The following MGAT4C variants were observed in gnomAD, a reference collection of about 807,000 sequenced individuals.
MGAT4C encodes alpha-1,3-mannosyl-glycoprotein 4-beta-N-acetylglucosaminyltransferase C.
Under a neutral mutation model 40.1 loss-of-function variants are expected in MGAT4C, and 19 were observed. That is an observed-to-expected ratio of 0.47 (90% CI 0.33 to 0.70). MGAT4C has a LOEUF of 0.70. Ranked by LOEUF, MGAT4C falls within the 30% of genes least tolerant of loss-of-function variation. MGAT4C has a pLI of 0.02. For missense variants in MGAT4C, 491 were observed against 563.2 expected, an observed-to-expected ratio of 0.87 and a Z score of 1.30; for synonymous variants, 181 against 187.1, an observed-to-expected ratio of 0.97 and a Z score of 0.27.
intron 3 of MGAT4C, among the ~76,000 whole-genome samples, chr12:86,344,738 GTGTGTGTGTGTGTGTGTA>G (rs1317915450): frequency 3.1e-3 from 464 of 147,682 alleles, no homozygotes; most frequent in African/African-American, 0.011. Flanking sequence ...GTGTGTGTGT[GTGTGTGTGTGTGTGTGTA>G]TGTGTGTGTG....
At chr12:86,769,597 A>G (rs1199171750) in intron 1 of MGAT4C, among the ~76,000 whole-genome samples, 1 of 152,200 alleles carries the variant, frequency 6.6e-6, no homozygotes, top group African/African-American at 2.4e-5. Context: ...TCACAATAGC[A>G]AAGACTTGGA....
At chr12:85,986,317 A>G (rs1885197590) in intron 3 of MGAT4C, among the ~76,000 whole-genome samples, 1 of 152,168 alleles carries the variant, frequency 6.6e-6, no homozygotes, top group Non-Finnish European at 1.5e-5. Context: ...ATGGGAATGC[A>G]ATTCAATGAA....
At chr12:86,774,345 C>CTTTTCTTTCTT (rs1951708548) in intron 1 of MGAT4C, among the ~76,000 whole-genome samples, 2 of 14,910 alleles carry the variant, frequency 1.3e-4, no homozygotes, top group African/African-American at 5.4e-4. Context: ...CTTTCTGTCT[C>CTTTTCTTTCTT]TCTCTCTCCC....
intron 4 of MGAT4C, among the ~76,000 whole-genome samples, chr12:86,317,631 A>G (rs1954275542): frequency 6.6e-6 from 1 of 151,792 alleles, no homozygotes; most frequent in African/African-American, 2.4e-5. Context: ...AACAAAGCAA[A>G]CCTCTACTCT....
At chr12:86,716,380 C>T (rs752069658) in intron 2 of MGAT4C, among the ~76,000 whole-genome samples, 1 of 152,024 alleles carries the variant, frequency 6.6e-6, no homozygotes, top group Admixed American at 6.6e-5. Context: ...CTAATATTAT[C>T]TTTTTTTATT....
chr12:86,572,077 A>C (rs531703209), intron 2 of MGAT4C, among the ~76,000 whole-genome samples: 54 of 152,262 alleles, frequency 3.5e-4, no homozygotes, highest in African/African-American at 1.2e-3. Flanking sequence ...TTAGATATGC[A>C]TTGGACAAGG....
At chr12:86,789,763 C>A (rs535479035) in intron 1 of MGAT4C, among the ~76,000 whole-genome samples, 1 of 152,162 alleles carries the variant, frequency 6.6e-6, no homozygotes, top group South Asian at 2.1e-4. Context: ...ATAATGAGAG[C>A]AGTGAACACT....
chr12:86,716,784 T>A (rs1950651603), intron 2 of MGAT4C, among the ~76,000 whole-genome samples: 1 of 152,120 alleles, frequency 6.6e-6, no homozygotes, highest in Admixed American at 6.6e-5. Context: ...TGAAAGATAA[T>A]GTTTCATATA....
chr12:86,281,461 TATCTTC>T (rs1218189926), intron 4 of MGAT4C, among the ~76,000 whole-genome samples: 3 of 151,220 alleles, frequency 2.0e-5, no homozygotes, highest in Non-Finnish European at 4.4e-5. Context: ...TCTGTATATG[TATCTTC>T]AAAATGTATC....
chr12:86,689,520 T>A (rs1426462272), intron 2 of MGAT4C, among the ~76,000 whole-genome samples: 1 of 152,194 alleles, frequency 6.6e-6, no homozygotes, highest in Admixed American at 6.5e-5. Flanking sequence ...TTTGTTGATG[T>A]TGATATTATT....
At chr12:86,615,067 G>C (rs899149120) in intron 2 of MGAT4C, among the ~76,000 whole-genome samples, 1 of 151,930 alleles carries the variant, frequency 6.6e-6, no homozygotes, top group Non-Finnish European at 1.5e-5. Context: ...TGAAATTGCT[G>C]TATCTAGAAT....
intron 2 of MGAT4C, among the ~76,000 whole-genome samples, chr12:86,518,141 T>C (rs539043989): frequency 6.6e-6 from 1 of 152,318 alleles, no homozygotes; most frequent in East Asian, 1.9e-4. Flanking sequence ...AGTCAGACTG[T>C]TCATTACATT....
chr12:86,073,478 C>G (rs1281938413), intron 1 of MGAT4C, among the ~76,000 whole-genome samples: 1 of 152,094 alleles, frequency 6.6e-6, no homozygotes, highest in African/African-American at 2.4e-5. Context: ...CAGAAGAAGA[C>G]AGGAAAATGT....
intron 2 of MGAT4C, among the ~76,000 whole-genome samples, chr12:86,569,704 A>T (rs1960284884): frequency 6.6e-6 from 1 of 152,150 alleles, no homozygotes; most frequent in Non-Finnish European, 1.5e-5. Context: ...TCCAAAGAAA[A>T]GAAAACCAGT....
chr12:86,070,559 A>G (rs1894987145), intron 1 of MGAT4C, among the ~76,000 whole-genome samples: 1 of 152,086 alleles, frequency 6.6e-6, no homozygotes, highest in Non-Finnish European at 1.5e-5. Flanking sequence ...GATCTATAGG[A>G]AAAATTCCCT....
chr12:86,256,202 A>AC, intron 1 of MGAT4C, 37 bp downstream of exon 1: 1 of 152,176 alleles, frequency 6.6e-6, no homozygotes, highest in African/African-American at 2.4e-5. Context: ...ATCTACCTTT[A>AC]TTTTAAAAGA....
chr12:86,333,851 A>T (rs144514936), intron 4 of MGAT4C, among the ~76,000 whole-genome samples: 45 of 152,330 alleles, frequency 3.0e-4, no homozygotes, highest in African/African-American at 1.1e-3. Context: ...TAGCACAAAT[A>T]CATTATCTTC....
chr12:86,809,970 G>C (rs563287262), intron 1 of MGAT4C, among the ~76,000 whole-genome samples: 3 of 151,914 alleles, frequency 2.0e-5, no homozygotes, highest in Non-Finnish European at 4.4e-5. Context: ...AATGGCATCC[G>C]TACTATATTG....
intron 1 of MGAT4C, among the ~76,000 whole-genome samples, chr12:86,779,429 T>C (rs1320546206): frequency 1.3e-5 from 2 of 151,520 alleles, no homozygotes; most frequent in African/African-American, 4.9e-5. Flanking sequence ...ACCCCATCTC[T>C]ACAAAAAATA....
Sources: gnomAD v4.1 joint callset for allele counts (sites outside exome capture counted in the v4.1 genomes callset) on GRCh38, gnomAD v4.1.1 for gene constraint, MANE v1.5 for transcripts, NCBI Gene and HGNC (gene_info 2026-07-23, HGNC 2026-07-21) for gene names.